KLHL32: variants seen among roughly 807,000 people sequenced by gnomAD.
KLHL32 encodes kelch like family member 32, also known as kelch-like protein 32.
KLHL32 carries 35 observed loss-of-function variants against 64.8 expected under a neutral mutation model. The observed-to-expected ratio is 0.54, with a 90% CI of 0.41 to 0.72. The LOEUF is 0.72. Ranked by LOEUF, KLHL32 falls within the 30% of genes least tolerant of loss-of-function variation. The probability of loss-of-function intolerance (pLI) is 0.00; values close to 1 mark genes in which losing one functional copy is unlikely to be tolerated. For synonymous variants in KLHL32, 259 were observed against 281.0 expected (o/e 0.92, Z 0.78); for missense variants, 589 against 768.5 (o/e 0.77, Z 2.76).
intron 1 of KLHL32, among the ~76,000 whole-genome samples, chr6:96,963,432 A>T (rs969142251): frequency 2.0e-5 from 3 of 152,220 alleles, no homozygotes; most frequent in Non-Finnish European, 2.9e-5. Context: ...ACAAAAAGAA[A>T]TTATGAAAAT....
In KLHL32 at chr6:97,090,983, G is replaced by A. The variant is rs954168624; in HGVS notation, c.627+5642G>A. Among the ~76,000 whole-genome samples, 3 of 152,230 alleles carry A rather than the reference G, an allele frequency of 2.0e-5. No individual in the cohort carries two copies. In the East Asian group the frequency reaches 5.8e-4, roughly 29 times the overall value. On this transcript the variant is annotated intron_variant, in intron 6 of 10. Transcript: ENST00000369261. The stretch of plus-strand genomic sequence containing the variant: ...TTACGCCTGTAATCCTAGCACATTG[G>A]GAGGTTGAGGCAGGCTGATCGCTTG...
intron 3 of KLHL32, chr6:96,999,603 C>T (rs1484133122): frequency 4.6e-5 from 34 of 737,906 alleles, no homozygotes; most frequent in Non-Finnish European, 5.1e-5. Context: ...TTTCTGATGA[C>T]AACTTTATTT....
intron 1 of KLHL32, among the ~76,000 whole-genome samples, chr6:96,948,695 A>G (rs1348189845): frequency 1.3e-5 from 2 of 152,134 alleles, no homozygotes; most frequent in African/African-American, 4.8e-5. Context: ...GATTTTGTGC[A>G]TTAGGAAAAT....
At chr6:97,055,974 T>A (rs1787798682) in intron 4 of KLHL32, among the ~76,000 whole-genome samples, 1 of 151,946 alleles carries the variant, frequency 6.6e-6, no homozygotes, top group Non-Finnish European at 1.5e-5. Flanking sequence ...GAGGCTTTTA[T>A]CTTCATCATT....
chr6:97,072,330 A>G (rs1300486132), intron 5 of KLHL32, among the ~76,000 whole-genome samples: 1 of 152,172 alleles, frequency 6.6e-6, no homozygotes, highest in East Asian at 1.9e-4. Flanking sequence ...CTCTTGCCCC[A>G]TTCCAGTACA....
chr6:96,911,824 C>CTTTTTTTTTTTTTTTTTTTTTTT, the KLHL32 span, among the ~76,000 whole-genome samples: 28 of 54,088 alleles, frequency 5.2e-4, 8 homozygotes, highest in East Asian at 7.3e-4. Flanking sequence ...CTCGGTCCTT[C>CTTTTTTTTTTTTTTTTTTTTTTT]TTTTTTTTTT....
chr6:96,911,238 G>A, the KLHL32 span, among the ~76,000 whole-genome samples: 1 of 152,136 alleles, frequency 6.6e-6, no homozygotes, highest in African/African-American at 2.4e-5. Flanking sequence ...TTCTCTTTGT[G>A]TCTTCCACTT....
At chr6:97,062,027 A>G (rs1788991393) in intron 4 of KLHL32, among the ~76,000 whole-genome samples, 1 of 152,224 alleles carries the variant, frequency 6.6e-6, no homozygotes, top group South Asian at 2.1e-4. Context: ...GTGCTAAAGC[A>G]TATTTTAGAA....
chr6:97,139,229 T>A lies in KLHL32; in HGVS notation c.1810T>A (p.Cys604Ser). ...CTTCCTTCCAGCTCCATATTTTACA[T>A]GCCCTAACCTTCAAACTCTTCAAGT... ...ACFLPAPYFT[C>S]PNLQTLQVPH... Residue 604 changes from cysteine (C) to serine (S), a missense_variant, in exon 11 of 11, where the codon TGC (cysteine) becomes AGC (serine). This residue lies in a region of KLHL32 where 172 missense variants were observed against 192.0 expected (regional missense o/e 0.90). Coordinates refer to ENST00000369261, the MANE Select transcript of KLHL32 (RefSeq NM_052904.4). 4 of 1,614,068 alleles carry A rather than the reference T, an allele frequency of 2.5e-6. No homozygotes were observed. Among genetic ancestry groups the A allele is most frequent in the Non-Finnish European group, 3.4e-6 (4 of 1,179,952 alleles).
At chr6:96,992,092 T>A (rs915532637) in intron 3 of KLHL32, among the ~76,000 whole-genome samples, 2 of 152,176 alleles carry the variant, frequency 1.3e-5, no homozygotes, top group African/African-American at 4.8e-5. Flanking sequence ...CGAGGTGCAG[T>A]GGAGGTGAGG....
chr6:97,051,938 A>G (rs1786979681), intron 4 of KLHL32, among the ~76,000 whole-genome samples: 1 of 152,192 alleles, frequency 6.6e-6, no homozygotes, highest in Non-Finnish European at 1.5e-5. Flanking sequence ...TTACACATAA[A>G]GGATCCCCAG....
chr6:97,127,930 G>A (rs1199707830), intron 8 of KLHL32, among the ~76,000 whole-genome samples: 5 of 152,180 alleles, frequency 3.3e-5, no homozygotes, highest in Admixed American at 6.5e-5. Context: ...GGTTGAATAT[G>A]CATATGGATG....
chr6:97,095,411 GTTT>G (rs1794843463), intron 6 of KLHL32, among the ~76,000 whole-genome samples: 1 of 152,220 alleles, frequency 6.6e-6, no homozygotes, highest in Non-Finnish European at 1.5e-5. Flanking sequence ...TCTCATGTAA[GTTT>G]TAGGCAATGT....
Position 96,955,937 on chromosome 6 carries a change from AAAC to A in KLHL32, c.-65-11053_-65-11051del, listed in dbSNP as rs530256685. Among the ~76,000 whole-genome samples the A allele has an allele frequency of 7.0e-4, 107 of 152,318 alleles. 1 individual carries two copies. Among genetic ancestry groups the A allele is most frequent in the African/African-American group, 2.5e-3 (102 of 41,572 alleles). ...GAGCAACAGAGCAAGACTCCATCTCAAACAACAATAACAACAAAAAATATACCC... is the reference window on the plus strand; with the variant it reads ...GAGCAACAGAGCAAGACTCCATCTCAAACAATAACAACAAAAAATATACCC... On this transcript the variant is annotated intron_variant, in intron 1 of 10. Coordinates refer to ENST00000369261, the MANE Select transcript of KLHL32 (RefSeq NM_052904.4).
chr6:97,058,500 C>T (rs932264763), intron 4 of KLHL32, among the ~76,000 whole-genome samples: 2 of 152,124 alleles, frequency 1.3e-5, no homozygotes, highest in African/African-American at 4.8e-5. Flanking sequence ...TATTCATTTC[C>T]TCTTTTTTCT....
intron 5 of KLHL32, among the ~76,000 whole-genome samples, chr6:97,075,490 TC>T (rs1791452608): frequency 6.6e-6 from 1 of 152,206 alleles, no homozygotes; most frequent in South Asian, 2.1e-4. Context: ...CTTTATCCTA[TC>T]AACTCTATGA....
At chr6:96,984,535 A>G (rs113056466) in intron 3 of KLHL32, among the ~76,000 whole-genome samples, 1,686 of 152,206 alleles carry the variant, frequency 0.011, 41 homozygotes, top group African/African-American at 0.039. Context: ...GTCTCTAAGG[A>G]CTTGCTTTAT....
intron 1 of KLHL32, among the ~76,000 whole-genome samples, chr6:96,945,295 C>T (rs539088131): frequency 2.6e-5 from 4 of 152,356 alleles, no homozygotes; most frequent in Admixed American, 1.3e-4. Context: ...TGCCACATAA[C>T]TCAAAACCAT....
intron 3 of KLHL32, among the ~76,000 whole-genome samples, chr6:96,992,869 T>C (rs1354639151): frequency 6.6e-6 from 1 of 152,246 alleles, no homozygotes; most frequent in Non-Finnish European, 1.5e-5. Flanking sequence ...AAGAGCTGAT[T>C]TTCACACATC....
Sources: allele counts gnomAD v4.1 joint callset (sites outside exome capture counted in the v4.1 genomes callset), GRCh38; gene constraint gnomAD v4.1.1; regional missense constraint gnomAD v4.1.1; transcripts MANE v1.5; gene names NCBI Gene and HGNC (gene_info 2026-07-23, HGNC 2026-07-21).